The following AHI1 variants were observed in gnomAD, a reference collection of about 807,000 sequenced individuals.
AHI1 encodes jouberin.
A neutral mutation model predicts 149.3 loss-of-function variants in AHI1; 123 were observed. The ratio of observed to expected loss-of-function variants is 0.82; its 90% CI spans 0.71 to 0.96. AHI1 has a LOEUF of 0.96. Ranked by LOEUF, AHI1 falls within the 40% of genes least tolerant of loss-of-function variation. The pLI is 0.00. For missense variants in AHI1, 1,439 were observed against 1,422.7 expected (o/e 1.01, Z -0.18); for synonymous variants, 475 against 459.8 (o/e 1.03, Z -0.42).
chr6:135,378,807 T>TA (rs924007694), intron 23 of AHI1, among the ~76,000 whole-genome samples: 5 of 152,160 alleles, frequency 3.3e-5, no homozygotes, highest in Non-Finnish European at 5.9e-5. Context: ...AATGCAGAGT[T>TA]AAAAAAATAC....
At chr6:135,401,523 C>G (rs1046221888) in intron 22 of AHI1, among the ~76,000 whole-genome samples, 9 of 152,142 alleles carry the variant, frequency 5.9e-5, no homozygotes, top group African/African-American at 1.9e-4. Flanking sequence ...AGATGATAAA[C>G]TGCATAAATA....
intron 23 of AHI1, among the ~76,000 whole-genome samples, chr6:135,384,023 G>C (rs977877148): frequency 1.3e-5 from 2 of 151,946 alleles, no homozygotes; most frequent in Non-Finnish European, 2.9e-5. Flanking sequence ...CTTTCACCAC[G>C]GTATAAATTA....
chr6:135,313,171 T>A (rs1785449884), intron 26 of AHI1, among the ~76,000 whole-genome samples: 1 of 152,188 alleles, frequency 6.6e-6, no homozygotes, highest in Non-Finnish European at 1.5e-5. Context: ...TTATATTTCT[T>A]AGGGGCTTCT....
intron 5 of AHI1, among the ~76,000 whole-genome samples, chr6:135,487,190 A>G (rs1036701206): frequency 6.6e-6 from 1 of 152,170 alleles, no homozygotes; most frequent in Non-Finnish European, 1.5e-5. Flanking sequence ...TTCTTTTAAA[A>G]AAACTCACTT....
intron 26 of AHI1, chr6:135,301,714 A>G: frequency 2.0e-6 from 2 of 985,460 alleles, no homozygotes; most frequent in Non-Finnish European, 2.4e-6. Flanking sequence ...CAGGTGACCC[A>G]TTTGGTAGAA....
intron 18 of AHI1, among the ~76,000 whole-genome samples, chr6:135,429,515 C>T (rs1268906976): frequency 4.6e-5 from 7 of 151,634 alleles, no homozygotes; most frequent in Admixed American, 1.3e-4. Context: ...AATGCTGTAA[C>T]AGTATCATAG....
Position 135,387,669 on chromosome 6 carries a change from T to C in AHI1, c.3109+7107A>G, listed in dbSNP as rs148229561. The C allele has an allele frequency of 6.1e-6, 4 of 652,254 alleles. No individual in the cohort carries two copies. The East Asian group carries it at 2.1e-4, about 34-fold the overall frequency. 40.4% of individuals were successfully genotyped at this position (652,254 alleles called of 1,614,324 possible). ...TCTCTTTGACATGTTCCTTTTCCTA[T>C]AATCATCACTTAACAAATTTTATTA... On this transcript the variant is annotated intron_variant, in intron 23 of 28. Coordinates refer to ENST00000265602, the MANE Select transcript of AHI1 (RefSeq NM_001134831.2).
chr6:135,337,925 G>A (rs960104530), intron 24 of AHI1, among the ~76,000 whole-genome samples: 3 of 152,130 alleles, frequency 2.0e-5, no homozygotes, highest in Admixed American at 1.3e-4. Flanking sequence ...AGAAGTTCGC[G>A]TACATGCATA....
chr6:135,457,719 C>T lies in AHI1; in HGVS notation c.932-6G>A, dbSNP rs770083131. 1.6e-5 allele frequency: 26 copies of T among 1,609,904 alleles called. No homozygotes were observed. The highest frequency in any genetic ancestry group is 6.6e-5 in the South Asian group (6 of 90,718). ...ATCTTCATTATTATCTGCAACTACA[C>T]GCATGGAAAAAAAAATCAATGTTAT... On this transcript the variant is annotated splice_polypyrimidine_tract_variant and splice_region_variant and intron_variant, in intron 8 of 28. Transcript: ENST00000265602.
At chr6:135,406,135 A>T (rs572187722) in intron 21 of AHI1, among the ~76,000 whole-genome samples, 1 of 152,340 alleles carries the variant, frequency 6.6e-6, no homozygotes, top group African/African-American at 2.4e-5. Flanking sequence ...GCAATACCTA[A>T]AAGCATTCTG....
intron 23 of AHI1, among the ~76,000 whole-genome samples, chr6:135,369,699 CT>C (rs1421847147): frequency 5.3e-5 from 8 of 152,144 alleles, no homozygotes; most frequent in Non-Finnish European, 1.2e-4. Context: ...TTTGAATAAT[CT>C]GTATAATTTT....
chr6:135,297,256 A>C (rs1477005293), intron 27 of AHI1, among the ~76,000 whole-genome samples: 1 of 152,190 alleles, frequency 6.6e-6, no homozygotes, highest in African/African-American at 2.4e-5. Flanking sequence ...TTCTAGAGCC[A>C]CAATCTCTAT....
intron 5 of AHI1, among the ~76,000 whole-genome samples, chr6:135,482,559 T>A (rs771867543): frequency 1.3e-5 from 2 of 152,150 alleles, no homozygotes; most frequent in African/African-American, 4.8e-5. Flanking sequence ...AGTATGCTAA[T>A]TGCATACAGT....
intron 23 of AHI1, among the ~76,000 whole-genome samples, chr6:135,392,197 A>C (rs1356971158): frequency 6.6e-6 from 1 of 152,198 alleles, no homozygotes; most frequent in Non-Finnish European, 1.5e-5. Context: ...AGAGACTGTA[A>C]CATTTACTCC....
At chr6:135,320,656 G>A (rs1447227481) in intron 25 of AHI1, among the ~76,000 whole-genome samples, 1 of 152,240 alleles carries the variant, frequency 6.6e-6, no homozygotes, top group Admixed American at 6.5e-5. Context: ...AAGCCTAAGA[G>A]GTTATTTTTG....
chr6:135,433,077 T>C lies in AHI1; in HGVS notation c.2216A>G (p.Gln739Arg). The C allele has an allele frequency of 5.0e-6, 8 of 1,613,726 alleles. No individual in the cohort carries two copies. The highest frequency in any genetic ancestry group is 6.8e-6 in the Non-Finnish European group (8 of 1,179,712). The change falls in exon 16 of 29, where the codon CAG becomes CGG. Residue 739 changes from glutamine to arginine, a missense_variant. Physicochemically the swap from Gln to Arg is conservative, Grantham distance 43. Transcript: ENST00000265602. Reference protein sequence around the residue: ...MREDSAILVRQFDVHKSFINS... With the variant: ...MREDSAILVRRFDVHKSFINS... Reference sequence around the variant, plus strand: ...GATAAAACTTTTGTGAACATCAAACTGTCGGACCAATATGGCAGAATCTTC... The same window carrying C: ...GATAAAACTTTTGTGAACATCAAACCGTCGGACCAATATGGCAGAATCTTC...
intron 15 of AHI1, among the ~76,000 whole-genome samples, chr6:135,437,060 G>A (rs1785518888): frequency 1.3e-5 from 2 of 152,156 alleles, no homozygotes; most frequent in Admixed American, 1.3e-4. Context: ...TAAAAGAGAT[G>A]GACAGAGATT....
rs189204535 is a variant in AHI1, at chr6:135,341,017, A to T, written c.3165+17115T>A. On this transcript the variant is annotated intron_variant, in intron 24 of 28. Transcript: ENST00000265602. ...GTAAAAAAATACTAATTTAATGCCC[A>T]AAAGTGAGTAACGGTGAAACAAAGG... is the stretch of plus-strand genomic sequence containing the variant. Among the ~76,000 whole-genome samples the T allele has an allele frequency of 1.0e-3, 155 of 152,100 alleles. 1 individual carries two copies. The highest frequency in any genetic ancestry group is 2.5e-3 in the South Asian group (12 of 4,828).
Position 135,448,437 on chromosome 6 carries a change from T to C in AHI1, c.1479A>G (p.Lys493=), listed in dbSNP as rs1787580591. ...GTGGGTAATATAGCTGCAAGCGAAG[T>C]TTTGAGTTGATGTTTGCATTTCCAT... ...GANGNANINS[K]LRLQLYYPPT... Residue 493 remains lysine (K), a synonymous_variant, in exon 12 of 29, where the codon AAA becomes AAG. Transcript: ENST00000265602. 6.4e-7 allele frequency: 1 copy of C among 1,551,054 alleles called. No individual in the cohort carries two copies. The highest frequency in any genetic ancestry group is 8.8e-7 in the Non-Finnish European group (1 of 1,136,458).
Sources: gnomAD v4.1 joint callset for allele counts (sites outside exome capture counted in the v4.1 genomes callset) on GRCh38, gnomAD v4.1.1 for gene constraint, MANE v1.5 for transcripts, NCBI Gene and HGNC (gene_info 2026-07-23, HGNC 2026-07-21) for gene names.